Variants in PTBP3 observed in about 807,000 individuals in gnomAD.
The protein encoded by PTBP3 is polypyrimidine tract binding protein 3, also known as polypyrimidine tract-binding protein 3.
A neutral mutation model predicts 58.7 loss-of-function variants in PTBP3; 20 were observed. The ratio of observed to expected loss-of-function variants is 0.34; its 90% confidence interval spans 0.24 to 0.50. PTBP3 has a LOEUF of 0.50. Among genes scored for constraint, PTBP3 ranks in the 20% least tolerant of loss-of-function variants. The pLI is 0.98. For synonymous variants in PTBP3, 185 were observed against 219.8 expected (o/e 0.84, Z 1.40); for missense variants, 509 against 637.2 (o/e 0.80, Z 2.17).
intron 1 of PTBP3, among the ~76,000 whole-genome samples, chr9:112,314,894 C>T (rs950686241): frequency 4.0e-5 from 6 of 150,218 alleles, no homozygotes; most frequent in South Asian, 2.1e-4. Context: ...TGCAGTGGCG[C>T]GATCTCGGCT....
intron 6 of PTBP3, among the ~76,000 whole-genome samples, chr9:112,251,799 CAT>C (rs148860557): frequency 6.6e-5 from 10 of 150,992 alleles, no homozygotes; most frequent in African/African-American, 7.3e-5. Context: ...AAAAATAAAA[CAT>C]ATATATATAT....
intron 6 of PTBP3, among the ~76,000 whole-genome samples, chr9:112,251,680 A>G (rs2132077547): frequency 6.6e-6 from 1 of 152,000 alleles, no homozygotes; most frequent in South Asian, 2.1e-4. Context: ...AAGATTAGCA[A>G]CCCCTTCCTT....
In PTBP3 at chr9:112,252,806, T is replaced by C; in HGVS notation, c.517-18A>G. ...GAAAATATCTGGAAAACAGTTCACATTAGGTTAAATGTAAAAGAAAAGTAT... is the reference window on the plus strand; with the variant it reads ...GAAAATATCTGGAAAACAGTTCACACTAGGTTAAATGTAAAAGAAAAGTAT... On this transcript the variant is annotated intron_variant, in intron 5 of 13. Transcript: ENST00000374257. 7.3e-7 allele frequency: 1 copy of C among 1,369,958 alleles called. No homozygotes were observed. Among genetic ancestry groups the C allele is most frequent in the East Asian group, 2.3e-5 (1 of 43,608 alleles). 84.9% of individuals were successfully genotyped at this position (1,369,958 alleles called of 1,614,324 possible).
the PTBP3 span, among the ~76,000 whole-genome samples, chr9:112,350,051 T>C: frequency 6.6e-6 from 1 of 151,838 alleles, no homozygotes; most frequent in Non-Finnish European, 1.5e-5. Context: ...TTTTTTTAAA[T>C]TTATGTACCA....
the PTBP3 span, among the ~76,000 whole-genome samples, chr9:112,379,113 C>G: frequency 1.1e-4 from 16 of 152,266 alleles, no homozygotes; most frequent in African/African-American, 3.9e-4. Context: ...CACTTGAACC[C>G]GGGAGGCGGA....
rs1301866357 is a variant in PTBP3 at position 112,228,473 on chromosome 9, C to T, written c.1055-1G>A. The T allele has an allele frequency of 6.4e-7, 1 of 1,561,774 alleles. No individual in the cohort carries two copies. The highest frequency in any genetic ancestry group is 8.7e-7 in the Non-Finnish European group (1 of 1,151,940). On this transcript the variant is annotated splice_acceptor_variant, in intron 10 of 13. Coordinates refer to ENST00000374257, the MANE Select transcript of PTBP3 (RefSeq NM_001163788.4). LOFTEE classifies it high-confidence loss of function. The stretch of plus-strand genomic sequence containing the variant: ...ACTCGATGTACATCACCATAGACTC[C>T]TAATTAAAACAAAACAAAACACTGT...
the PTBP3 span, among the ~76,000 whole-genome samples, chr9:112,346,272 A>C: frequency 8.6e-5 from 13 of 151,084 alleles, no homozygotes; most frequent in Non-Finnish European, 1.5e-4. Context: ...GGTTCAAGCG[A>C]TTCTCCTGCC....
At chr9:112,278,464 TC>T (rs1827720204) in intron 2 of PTBP3, among the ~76,000 whole-genome samples, 1 of 152,142 alleles carries the variant, frequency 6.6e-6, no homozygotes, top group Admixed American at 6.5e-5. Flanking sequence ...GGCATGAAGC[TC>T]CTATCAGTTT....
chr9:112,336,767 C>A (rs887830021), upstream of PTBP3, among the ~76,000 whole-genome samples: 1 of 152,076 alleles, frequency 6.6e-6, no homozygotes, highest in Non-Finnish European at 1.5e-5. Flanking sequence ...TACAGGAAGA[C>A]CCCATCTCAA....
the PTBP3 span, among the ~76,000 whole-genome samples, chr9:112,347,155 T>C: frequency 1.3e-5 from 2 of 152,216 alleles, no homozygotes; most frequent in African/African-American, 4.8e-5. Flanking sequence ...AATAACCTAA[T>C]TTATCTATTT....
At chr9:112,258,710 A>C (rs148445219) in intron 5 of PTBP3, among the ~76,000 whole-genome samples, 6 of 152,270 alleles carry the variant, frequency 3.9e-5, no homozygotes, top group African/African-American at 1.2e-4. Context: ...CAAATCTTTC[A>C]AAATATATCC....
rs1834830201 is a variant in PTBP3, at chr9:112,222,149, T to C, written c.*1702A>G. On this transcript the variant is annotated 3_prime_UTR_variant, in exon 14 of 14. Transcript: ENST00000374257. ...AAGTTGAGATGAGACACTTTGAGAA[T>C]CTGAAAAGTGTAAAAGGGGTAGACA... 1 of 985,700 alleles carries C rather than the reference T, an allele frequency of 1.0e-6. No individual in the cohort carries two copies. The highest frequency in any genetic ancestry group is 1.7e-5 in the African/African-American group (1 of 57,238). The allele number at this position is 985,700 out of a possible 1,614,324, so 61.1% of individuals were successfully genotyped here. A position where few individuals can be genotyped will look rare whatever the true frequency, so the allele number is the denominator to read the frequency against.
At chr9:112,336,039 A>G (rs754539720), upstream of PTBP3, among the ~76,000 whole-genome samples, 3 of 151,734 alleles carry the variant, frequency 2.0e-5, no homozygotes, top group Non-Finnish European at 4.4e-5. Flanking sequence ...CTGCCTGGCT[A>G]ATTTTTGTAT....
intron 5 of PTBP3, among the ~76,000 whole-genome samples, chr9:112,260,658 A>C (rs1836555920): frequency 6.6e-6 from 1 of 152,216 alleles, no homozygotes; most frequent in Non-Finnish European, 1.5e-5. Context: ...AGGGAGAGAG[A>C]GACAGTGCCA....
At chr9:112,231,726 A>T (rs1166985792) in intron 9 of PTBP3, among the ~76,000 whole-genome samples, 1 of 143,446 alleles carries the variant, frequency 7.0e-6, no homozygotes, top group Non-Finnish European at 1.5e-5. Flanking sequence ...ACATAGCAAG[A>T]TCCTGTTTTT....
Position 112,219,491 on chromosome 9 carries a change from T to A in PTBP3, c.*4360A>T, listed in dbSNP as rs1452288502. ...CCAAGGTCACTGGACCAGACAAATA[T>A]CCCTGTTCTCTGGAACATATGCCTC... On this transcript the variant is annotated 3_prime_UTR_variant, in exon 14 of 14. Transcript: ENST00000374257. The A allele has an allele frequency of 6.6e-6, 1 of 152,466 alleles. No individual in the cohort carries two copies. The highest frequency in any genetic ancestry group is 2.4e-5 in the African/African-American group (1 of 41,436). 9.4% of individuals were successfully genotyped at this position (152,466 alleles called of 1,614,324 possible).
intron 2 of PTBP3, among the ~76,000 whole-genome samples, chr9:112,285,260 T>G (rs1828063646): frequency 6.6e-6 from 1 of 152,152 alleles, no homozygotes; most frequent in Non-Finnish European, 1.5e-5. Context: ...ACACTCACTC[T>G]CTCTCGCCTG....
chr9:112,359,451 G>GA, the PTBP3 span, among the ~76,000 whole-genome samples: 1 of 151,140 alleles, frequency 6.6e-6, no homozygotes, highest in South Asian at 2.1e-4. Flanking sequence ...GTCTCAAAAA[G>GA]AAAAAAAAGT....
At chr9:112,335,431 G>A (rs1269633880), upstream of PTBP3, among the ~76,000 whole-genome samples, 9 of 151,076 alleles carry the variant, frequency 6.0e-5, no homozygotes, top group East Asian at 1.2e-3. Flanking sequence ...GATTACAGGC[G>A]CCCGCCACCA....
Sources: gnomAD v4.1 joint callset for allele counts (sites outside exome capture counted in the v4.1 genomes callset) on GRCh38, gnomAD v4.1.1 for gene constraint, MANE v1.5 for transcripts, NCBI Gene and HGNC (gene_info 2026-07-23, HGNC 2026-07-21) for gene names.